The following THSD7A variants were observed in gnomAD, a reference collection of about 807,000 sequenced individuals.
THSD7A encodes the protein thrombospondin type 1 domain containing 7A.
Under a neutral mutation model 231.3 loss-of-function variants are expected in THSD7A, and 96 were observed. The observed-to-expected ratio is 0.41, with a 90% CI of 0.35 to 0.49. THSD7A has a LOEUF of 0.49. Ranked by LOEUF, THSD7A falls within the 20% of genes least tolerant of loss-of-function variation. The pLI is 0.05. For missense variants in THSD7A, 2,290 were observed against 2,070.2 expected (o/e 1.11, Z -2.06); for synonymous variants, 940 against 743.3 (o/e 1.26, Z -4.30).
In THSD7A at chr7:11,616,972, A is replaced by G. The variant is rs1781129093; in HGVS notation, c.1022+19158T>C. Among the ~76,000 whole-genome samples, 3 of 152,242 alleles carry G rather than the reference A, an allele frequency of 2.0e-5. No individual in the cohort carries two copies. In the South Asian group the frequency reaches 6.2e-4, roughly 32 times the overall value. ...ATCATCTTATTATTCAAGGATAAACAGAAGAAAACTTGTGAATAAAGAGTA... is the reference window on the plus strand; with the variant it reads ...ATCATCTTATTATTCAAGGATAAACGGAAGAAAACTTGTGAATAAAGAGTA... On this transcript the variant is annotated intron_variant, in intron 2 of 27. Transcript: ENST00000423059.
intron 2 of THSD7A, among the ~76,000 whole-genome samples, chr7:11,633,111 C>G (rs986417231): frequency 6.6e-6 from 1 of 151,982 alleles, no homozygotes; most frequent in Admixed American, 6.6e-5. Context: ...CTTTTTTGAG[C>G]TCTAACAGAT....
rs900690508 is a variant in THSD7A at position 11,370,653 on chromosome 7, G to A, written c.*5141C>T. The A allele has an allele frequency of 2.6e-5, 4 of 152,060 alleles. No individual in the cohort carries two copies. Among genetic ancestry groups the A allele is most frequent in the Non-Finnish European group, 5.9e-5 (4 of 68,008 alleles). 9.4% of individuals were successfully genotyped at this position (152,060 alleles called of 1,614,324 possible). On this transcript the variant is annotated 3_prime_UTR_variant, in exon 28 of 28. Coordinates refer to ENST00000423059, the MANE Select transcript of THSD7A (RefSeq NM_015204.3). ...CATAATGTAAAATAAATTACATTAC[G>A]CAATTTACAAAGTAATATTAACAAA...
intron 1 of THSD7A, among the ~76,000 whole-genome samples, chr7:11,719,445 G>A (rs1033798312): frequency 6.6e-6 from 1 of 151,546 alleles, no homozygotes; most frequent in African/African-American, 2.4e-5. Context: ...GATTTTGTTT[G>A]TGATCATTTT....
intron 1 of THSD7A, among the ~76,000 whole-genome samples, chr7:11,771,890 T>C (rs375830538): frequency 2.2e-4 from 34 of 152,246 alleles, no homozygotes; most frequent in African/African-American, 5.1e-4. Flanking sequence ...TTTAAAAGTG[T>C]GTTGCACCTT....
intron 25 of THSD7A, 74 bp downstream of exon 25, chr7:11,379,556 G>A: frequency 7.4e-7 from 1 of 1,344,126 alleles, no homozygotes; most frequent in Non-Finnish European, 1.0e-6. Context: ...TTTGGAGGAA[G>A]ATAAACTGCA....
chr7:11,475,105 G>C (rs1429641433), intron 7 of THSD7A, among the ~76,000 whole-genome samples: 1 of 152,158 alleles, frequency 6.6e-6, no homozygotes. Context: ...CAATTGGAGT[G>C]TAGAGTTCAC....
chr7:11,484,556 T>C (rs1366969712), intron 6 of THSD7A, among the ~76,000 whole-genome samples: 2 of 152,186 alleles, frequency 1.3e-5, no homozygotes, highest in Non-Finnish European at 2.9e-5. Context: ...ATGTTTATTG[T>C]CTGACTATCA....
At position 11,821,125 on chromosome 7, in the gene THSD7A, G is replaced by T. The variant is rs561844689; in HGVS notation, c.190+10632C>A. ...CTTGTTTTTGGCTGCCTCTTGCTCA[G>T]TTCCTCTATTTAGGTATTTAGTAAA... On this transcript the variant is annotated intron_variant, in intron 1 of 27. Coordinates refer to ENST00000423059, the MANE Select transcript of THSD7A (RefSeq NM_015204.3). 713 of 1,067,738 alleles carry T rather than the reference G, an allele frequency of 6.7e-4. 11 individuals are homozygous for T. The South Asian group carries it at 8.8e-3, about 13-fold the overall frequency. 66.1% of individuals were successfully genotyped at this position (1,067,738 alleles called of 1,614,324 possible).
At chr7:11,466,099 A>G (rs1291571023) in intron 9 of THSD7A, among the ~76,000 whole-genome samples, 3 of 152,226 alleles carry the variant, frequency 2.0e-5, no homozygotes, top group Admixed American at 1.3e-4. Context: ...ATTTTGTGCA[A>G]TAGTATTGTG....
chr7:11,657,046 G>C (rs1782736184), intron 1 of THSD7A, among the ~76,000 whole-genome samples: 1 of 151,782 alleles, frequency 6.6e-6, no homozygotes, highest in Non-Finnish European at 1.5e-5. Flanking sequence ...TGATCTTGAA[G>C]AGTGAGGACA....
chr7:11,827,042 C>T (rs553283896), intron 1 of THSD7A, among the ~76,000 whole-genome samples: 4 of 152,016 alleles, frequency 2.6e-5, no homozygotes, highest in African/African-American at 9.6e-5. Context: ...CTTGCTCTGT[C>T]GCCCAGGCTG....
intron 2 of THSD7A, among the ~76,000 whole-genome samples, chr7:11,599,900 G>A (rs1780492441): frequency 6.6e-6 from 1 of 151,930 alleles, no homozygotes; most frequent in South Asian, 2.1e-4. Flanking sequence ...TCAGCTGCCA[G>A]TGAGTCTAGA....
At chr7:11,788,954 T>C (rs1783870848) in intron 1 of THSD7A, among the ~76,000 whole-genome samples, 1 of 151,804 alleles carries the variant, frequency 6.6e-6, no homozygotes, top group Non-Finnish European at 1.5e-5. Flanking sequence ...AGCAGTTACA[T>C]AAACAAGTGG....
At chr7:11,677,584 CAAAAAAAAAAAAAAAAAAAAA>C (rs553030554) in intron 1 of THSD7A, among the ~76,000 whole-genome samples, 2 of 22,268 alleles carry the variant, frequency 9.0e-5, no homozygotes, top group African/African-American at 2.6e-4. Context: ...AAATGGAAAG[CAAAAAAAAAAAAAAAAAAAAA>C]AAAAAAAAGC....
chr7:11,784,856 T>C (rs1783739193), intron 1 of THSD7A, among the ~76,000 whole-genome samples: 1 of 152,016 alleles, frequency 6.6e-6, no homozygotes, highest in Admixed American at 6.6e-5. Context: ...AAATTCCGGG[T>C]GTGTGTTTTG....
chr7:11,574,637 C>T (rs542527660), intron 4 of THSD7A, among the ~76,000 whole-genome samples: 6 of 151,068 alleles, frequency 4.0e-5, no homozygotes, highest in Non-Finnish European at 2.9e-5. Context: ...GGGATTTCAC[C>T]ATGTTAGCCA....
Position 11,406,161 on chromosome 7 carries a change from G to C in THSD7A, c.4237+139C>G. 1 of 863,638 alleles carries C rather than the reference G, an allele frequency of 1.2e-6. No homozygotes were observed. The highest frequency in any genetic ancestry group is 2.7e-5 in the East Asian group (1 of 37,732). The allele number at this position is 863,638 out of a possible 1,614,324, so 53.5% of individuals were successfully genotyped here. ...CAGCGTCCCGTTCCCCACAGGCATA[G>C]TGTTGAGCTGTTGGCATAGATATTA... On this transcript the variant is annotated intron_variant, in intron 22 of 27. Coordinates refer to ENST00000423059, the MANE Select transcript of THSD7A (RefSeq NM_015204.3). This position sits in a 1 kb window ranked among gnomAD's most constrained non-coding sequence, Gnocchi z 4.7.
chr7:11,588,564 C>T (rs1000745954), intron 4 of THSD7A, among the ~76,000 whole-genome samples: 1 of 152,008 alleles, frequency 6.6e-6, no homozygotes. Context: ...TGCAATATTC[C>T]TTCTTTTTCT....
intron 6 of THSD7A, among the ~76,000 whole-genome samples, chr7:11,493,428 A>G (rs1786978243): frequency 6.6e-6 from 1 of 152,110 alleles, no homozygotes; most frequent in African/African-American, 2.4e-5. Flanking sequence ...TAAAAATCCT[A>G]TCTTCAGTTC....
Sources: gnomAD v4.1 joint callset for allele counts (sites outside exome capture counted in the v4.1 genomes callset) on GRCh38, gnomAD v4.1.1 for gene constraint, Gnocchi (gnomAD v3.1) non-coding constraint, MANE v1.5 for transcripts, NCBI Gene and HGNC (gene_info 2026-07-23, HGNC 2026-07-21) for gene names.